The following CASZ1 variants were observed in gnomAD, a reference collection of about 807,000 sequenced individuals.
The protein encoded by CASZ1 is castor zinc finger 1, also known as zinc finger protein castor homolog 1.
Under a neutral mutation model 135.2 loss-of-function variants are expected in CASZ1, and 28 were observed. That is an observed-to-expected ratio of 0.21 (90% CI 0.15 to 0.28). The LOEUF (loss-of-function observed/expected upper bound fraction) is 0.28. CASZ1 is among the 10% of genes least tolerant of loss of function. CASZ1 has a pLI of 1.00. For synonymous variants in CASZ1, 1,068 were observed against 1,073.4 expected (o/e 0.99, Z 0.10); for missense variants, 2,161 against 2,453.3 (o/e 0.88, Z 2.52).
At chr1:10,772,023 G>A (rs918467511) in intron 1 of CASZ1, among the ~76,000 whole-genome samples, 3 of 152,202 alleles carry the variant, frequency 2.0e-5, no homozygotes, top group South Asian at 2.1e-4. Context: ...AACCGGGAGC[G>A]GCACTGACTG....
rs1240632575 is a variant in CASZ1 at position 10,790,548 on chromosome 1, T to G, written c.-234+6016A>C. ...GCTGGAGTCTCAGCATCAGACTGGC[T>G]CGGCCTTCTCTTCTCCTCTTCAGAA... On this transcript the variant is annotated intron_variant, in intron 1 of 20. Transcript: ENST00000377022. Among the ~76,000 whole-genome samples, 2 of 152,220 alleles carry G rather than the reference T, an allele frequency of 1.3e-5. 1 individual carries two copies. The highest frequency in any genetic ancestry group is 3.8e-4 in the East Asian group (2 of 5,206).
Position 10,666,193 on chromosome 1 carries a change from G to A in CASZ1, c.17-622C>T, listed in dbSNP as rs138656827. Among the ~76,000 whole-genome samples, 5 of 152,266 alleles carry A rather than the reference G, an allele frequency of 3.3e-5. No individual in the cohort carries two copies. Among genetic ancestry groups the A allele is most frequent in the African/African-American group, 7.2e-5 (3 of 41,558 alleles). Reference sequence around the variant, plus strand: ...GGCTCCTCTGCCAGGCCAGGTCCCTGGGCCCTACCTGACTCCAACCCTGCT... The same window carrying A: ...GGCTCCTCTGCCAGGCCAGGTCCCTAGGCCCTACCTGACTCCAACCCTGCT... On this transcript the variant is annotated intron_variant, in intron 4 of 20. Coordinates refer to ENST00000377022, the MANE Select transcript of CASZ1 (RefSeq NM_001079843.3). The surrounding 1 kb of genome is among the most constrained non-coding windows in gnomAD (Gnocchi z 5.2).
At position 10,662,838 on chromosome 1, in the gene CASZ1, C is replaced by A. The variant is rs544754332; in HGVS notation, c.505+2245G>T. Among the ~76,000 whole-genome samples, 27 of 152,362 alleles carry A rather than the reference C, an allele frequency of 1.8e-4. No homozygotes were observed. In the South Asian group the frequency reaches 1.9e-3, roughly 11 times the overall value. On this transcript the variant is annotated intron_variant, in intron 5 of 20. Transcript: ENST00000377022. Reference sequence around the variant, plus strand: ...CTCTGCAGACATACAGGTACACAACCCCCTGAACCCCTGCCCTGGGTCTCT... The same window carrying A: ...CTCTGCAGACATACAGGTACACAACACCCTGAACCCCTGCCCTGGGTCTCT...
chr1:10,773,996 T>A (rs1412824709), intron 1 of CASZ1, among the ~76,000 whole-genome samples: 1 of 152,156 alleles, frequency 6.6e-6, no homozygotes, highest in African/African-American at 2.4e-5. Flanking sequence ...CAGCTCCCTG[T>A]GGTGGTCCGG....
intron 1 of CASZ1, among the ~76,000 whole-genome samples, chr1:10,780,999 C>T (rs999138214): frequency 6.6e-6 from 1 of 152,214 alleles, no homozygotes; most frequent in African/African-American, 2.4e-5. Context: ...TTCCTTGCTG[C>T]CCCTTAGGGA....
intron 2 of CASZ1, among the ~76,000 whole-genome samples, chr1:10,745,112 T>C (rs533459871): frequency 6.6e-6 from 1 of 152,282 alleles, no homozygotes; most frequent in Non-Finnish European, 1.5e-5. Flanking sequence ...CCCACAGGGC[T>C]CCTAAGTGGG....
At chr1:10,785,625 C>A (rs1640845642) in intron 1 of CASZ1, among the ~76,000 whole-genome samples, 1 of 152,242 alleles carries the variant, frequency 6.6e-6, no homozygotes, top group Admixed American at 6.5e-5. Context: ...GGCCCTCCAC[C>A]CAGGCCTGGG....
intron 1 of CASZ1, among the ~76,000 whole-genome samples, chr1:10,785,944 G>A (rs1412612120): frequency 6.6e-6 from 1 of 152,254 alleles, no homozygotes; most frequent in East Asian, 1.9e-4. Context: ...CCATTTTACA[G>A]ATGCGGAAAC....
At position 10,694,230 on chromosome 1, in the gene CASZ1, C is replaced by G. The variant is rs1047005108; in HGVS notation, c.-23-318G>C. 1.5e-6 allele frequency: 1 copy of G among 675,304 alleles called. No individual in the cohort carries two copies. The highest frequency in any genetic ancestry group is 1.8e-6 in the Non-Finnish European group (1 of 548,008). 41.8% of individuals were successfully genotyped at this position (675,304 alleles called of 1,614,324 possible). On this transcript the variant is annotated intron_variant, in intron 3 of 20. Coordinates refer to ENST00000377022, the MANE Select transcript of CASZ1 (RefSeq NM_001079843.3). This position sits in a 1 kb window ranked among gnomAD's most constrained non-coding sequence, Gnocchi z 6.6. ...GGGCGCCCCCGTCCCGCCGACCGCG[C>G]CCCGCGCCCGGGTCGCCGCCCGAGA...
intron 1 of CASZ1, among the ~76,000 whole-genome samples, chr1:10,783,884 A>C (rs1458157002): frequency 2.0e-5 from 3 of 151,330 alleles, no homozygotes; most frequent in African/African-American, 7.3e-5. Flanking sequence ...AAAAAAAAAA[A>C]AAAAAAAAAC....
At chr1:10,792,643 A>AT (rs1312528355) in intron 1 of CASZ1, among the ~76,000 whole-genome samples, 1 of 150,898 alleles carries the variant, frequency 6.6e-6, no homozygotes, top group Non-Finnish European at 1.5e-5. Context: ...AAACAAGATA[A>AT]TTTTTTTCTG....
chr1:10,645,069 C>T lies in CASZ1; in HGVS notation c.3716G>A (p.Arg1239His), dbSNP rs777494491. 1.2e-5 allele frequency: 20 copies of T among 1,613,720 alleles called. No homozygotes were observed. The highest frequency in any genetic ancestry group is 3.3e-5 in the Admixed American group (2 of 60,002). The stretch of plus-strand genomic sequence containing the variant: ...GGTGCGGAGGCAGTGGTAGTGCCCA[C>T]GCATTCGGAACTCGCAGTGCTGCAG... Reference protein sequence around the residue: ...CPNQHCEFRMRGHYHCLRTGC... With the variant: ...CPNQHCEFRMHGHYHCLRTGC... Residue 1239 changes from arginine to histidine, a missense_variant, in exon 18 of 21, where the codon CGT (arginine) becomes CAT (histidine). Coordinates refer to ENST00000377022, the MANE Select transcript of CASZ1 (RefSeq NM_001079843.3).
chr1:10,644,836 C>A, intron 18 of CASZ1, 81 bp downstream of exon 18: 2 of 1,459,720 alleles, frequency 1.4e-6, no homozygotes, highest in Admixed American at 1.9e-5. Context: ...ACGCGGGTAC[C>A]AGGAGAGGCG....
In CASZ1 at chr1:10,724,800, G is replaced by A. The variant is rs756541624; in HGVS notation, c.-76-19256C>T. On this transcript the variant is annotated intron_variant, in intron 2 of 20. Transcript: ENST00000377022. This position sits in a 1 kb window ranked among gnomAD's most constrained non-coding sequence, Gnocchi z 4.1. ...AGGAGGCAGAGGAAGGCAGGTGGGG[G>A]GCTGGCTGGGAGCCTCGGAGGATGA... is the stretch of plus-strand genomic sequence containing the variant. 1.3e-5 allele frequency among the ~76,000 whole-genome samples: 2 copies of A among 152,208 alleles called. No homozygotes were observed. The highest frequency in any genetic ancestry group is 2.9e-5 in the Non-Finnish European group (2 of 68,040).
At position 10,643,204 on chromosome 1, in the gene CASZ1, G is replaced by T. The variant is rs199630871; in HGVS notation, c.3976C>A (p.Arg1326=). Residue 1326 remains arginine (R), a synonymous_variant, in exon 19 of 21, where the codon CGG becomes AGG. Transcript: ENST00000377022. ...TCGAAGTTCTTCCCCAGCATCCTCCGCATGTGCTTCCGCGCGTGGGAGGTC... is the reference window on the plus strand; with the variant it reads ...TCGAAGTTCTTCCCCAGCATCCTCCTCATGTGCTTCCGCGCGTGGGAGGTC... ...QMTSHARKHM[R]RMLGKNFDRV... is the part of the protein sequence containing the mutation. 8 of 1,612,566 alleles carry T rather than the reference G, an allele frequency of 5.0e-6. No homozygotes were observed. Among genetic ancestry groups the T allele is most frequent in the Non-Finnish European group, 6.8e-6 (8 of 1,179,982 alleles).
intron 1 of CASZ1, among the ~76,000 whole-genome samples, chr1:10,786,518 A>G (rs1166336971): frequency 6.6e-6 from 1 of 152,170 alleles, no homozygotes; most frequent in Non-Finnish European, 1.5e-5. Flanking sequence ...GATAAGCCGC[A>G]AGTGTTTCCG....
chr1:10,675,160 G>C (rs748582555), intron 4 of CASZ1, among the ~76,000 whole-genome samples: 5 of 152,218 alleles, frequency 3.3e-5, no homozygotes, highest in Admixed American at 2.0e-4. Flanking sequence ...CCCTCCTGAC[G>C]AAGTGACTTA....
intron 2 of CASZ1, among the ~76,000 whole-genome samples, chr1:10,738,929 T>C (rs1404746279): frequency 6.7e-6 from 1 of 149,366 alleles, no homozygotes; most frequent in Non-Finnish European, 1.5e-5. Context: ...TTTTTTTTTT[T>C]TTTTTTTTTT....
At chr1:10,680,451 T>C (rs979645495) in intron 4 of CASZ1, among the ~76,000 whole-genome samples, 4 of 152,190 alleles carry the variant, frequency 2.6e-5, no homozygotes, top group African/African-American at 7.2e-5. Flanking sequence ...CCTGGCTTGG[T>C]TGAGTTTCTC....
Sources: allele counts gnomAD v4.1 joint callset (sites outside exome capture counted in the v4.1 genomes callset), GRCh38; gene constraint gnomAD v4.1.1; non-coding constraint Gnocchi (gnomAD v3.1); transcripts MANE v1.5; gene names NCBI Gene and HGNC (gene_info 2026-07-23, HGNC 2026-07-21).